Variants in TEC observed in about 807,000 individuals in gnomAD.
TEC encodes tec protein tyrosine kinase.
TEC carries 72 observed loss-of-function variants against 93.0 expected under a neutral mutation model. The ratio of observed to expected loss-of-function variants is 0.77; its 90% confidence interval spans 0.64 to 0.94. The LOEUF is 0.94. Among genes scored for constraint, TEC ranks in the 40% least tolerant of loss-of-function variants. The pLI is 0.00. For missense variants in TEC, 630 were observed against 757.9 expected (o/e 0.83, Z 1.98); for synonymous variants, 249 against 247.7 (o/e 1.01, Z -0.05).
At chr4:48,151,753 C>T (rs1036033266) in intron 9 of TEC, among the ~76,000 whole-genome samples, 2 of 152,242 alleles carry the variant, frequency 1.3e-5, no homozygotes, top group African/African-American at 4.8e-5. Context: ...TCCCAAAGTG[C>T]TGGGATTACA....
chr4:48,199,501 C>G (rs1451962704), intron 2 of TEC, among the ~76,000 whole-genome samples: 3 of 105,342 alleles, frequency 2.8e-5, no homozygotes, highest in Non-Finnish European at 5.2e-5. Context: ...AAGTCTCACT[C>G]TGTTACCCAG....
chr4:48,179,844 T>C (rs1721515107), intron 2 of TEC, among the ~76,000 whole-genome samples: 1 of 152,204 alleles, frequency 6.6e-6, no homozygotes, highest in South Asian at 2.1e-4. Context: ...TAATAGTATC[T>C]ATTTCCTAGG....
intron 2 of TEC, among the ~76,000 whole-genome samples, chr4:48,193,544 T>C (rs1044959327): frequency 4.6e-5 from 7 of 152,218 alleles, no homozygotes; most frequent in Admixed American, 6.5e-5. Flanking sequence ...ACGTAACTAC[T>C]GTCAAGGGAG....
chr4:48,265,805 G>A (rs1228905121), intron 1 of TEC, among the ~76,000 whole-genome samples: 4 of 151,992 alleles, frequency 2.6e-5, no homozygotes, highest in South Asian at 2.1e-4. Context: ...GAGCCACTGC[G>A]CCCGGCCACC....
intron 1 of TEC, among the ~76,000 whole-genome samples, chr4:48,259,136 A>C (rs1416828298): frequency 6.6e-6 from 1 of 152,240 alleles, no homozygotes; most frequent in African/African-American, 2.4e-5. Flanking sequence ...CTCTCAGAGA[A>C]GCTCAAAGTC....
intron 1 of TEC, among the ~76,000 whole-genome samples, chr4:48,230,263 C>A (rs773438477): frequency 2.6e-5 from 4 of 151,986 alleles, no homozygotes; most frequent in Non-Finnish European, 5.9e-5. Flanking sequence ...CCTTTAATTT[C>A]CTATTACTGA....
intron 3 of TEC, among the ~76,000 whole-genome samples, chr4:48,172,252 G>A (rs34546932): frequency 0.017 from 2,348 of 139,708 alleles, 22 homozygotes; most frequent in Non-Finnish European, 0.025. Flanking sequence ...ATTCTTCATG[G>A]TCAGTCACAA....
At chr4:48,243,353 T>C (rs1407121922) in intron 1 of TEC, among the ~76,000 whole-genome samples, 1 of 152,202 alleles carries the variant, frequency 6.6e-6, no homozygotes, top group African/African-American at 2.4e-5. Flanking sequence ...TTACACAAGT[T>C]ACTTAATTCC....
At chr4:48,201,353 AC>A in intron 2 of TEC, among the ~76,000 whole-genome samples, 1 of 152,216 alleles carries the variant, frequency 6.6e-6, no homozygotes, top group East Asian at 1.9e-4. Flanking sequence ...AGGCTGGGAA[AC>A]AAAGACTGGG....
rs540093003 is a variant in TEC at position 48,169,961 on chromosome 4, T to G, written c.454+287A>C. 2.0e-5 allele frequency among the ~76,000 whole-genome samples: 3 copies of G among 152,238 alleles called. No individual in the cohort carries two copies. The East Asian group carries it at 5.8e-4, about 29-fold the overall frequency. Reference sequence around the variant, plus strand: ...TGGTTTATTTGTTGAAGAACATTAATGCTTTTCAAAGCTGCTGACAGTGCC... The same window carrying G: ...TGGTTTATTTGTTGAAGAACATTAAGGCTTTTCAAAGCTGCTGACAGTGCC... On this transcript the variant is annotated intron_variant, in intron 5 of 17. Transcript: ENST00000381501.
chr4:48,208,519 C>A (rs530361824), intron 2 of TEC, among the ~76,000 whole-genome samples: 4 of 152,150 alleles, frequency 2.6e-5, no homozygotes, highest in Admixed American at 1.3e-4. Flanking sequence ...CATGCCCACC[C>A]CATTCCACCT....
intron 2 of TEC, among the ~76,000 whole-genome samples, chr4:48,210,524 G>T (rs377736897): frequency 4.9e-5 from 6 of 123,254 alleles, no homozygotes; most frequent in Admixed American, 4.3e-4. Context: ...AGGATGATGA[G>T]GAGGAGGAGG....
chr4:48,149,642 T>C lies in TEC; in HGVS notation c.921A>G (p.Thr307=), dbSNP rs78545992. The change falls in exon 11 of 18, where the codon ACA becomes ACG. Residue 307 remains threonine (T), a synonymous_variant. Transcript: ENST00000381501. ...CAGCTAGGTAATACTTCTTTGGAGA[T>C]GTTGTTGTTTCCTTTATATGATAAT... ...FRHYHIKETT[T]SPKKYYLAEK... 288 of 1,612,358 alleles carry C rather than the reference T, an allele frequency of 1.8e-4. 1 individual carries two copies. The East Asian group carries it at 4.5e-3, about 25-fold the overall frequency.
At chr4:48,157,133 T>A (rs182203813) in intron 8 of TEC, among the ~76,000 whole-genome samples, 87 of 152,366 alleles carry the variant, frequency 5.7e-4, no homozygotes, top group African/African-American at 2.0e-3. Flanking sequence ...TTTTAATTTT[T>A]CACTACTAGA....
chr4:48,210,796 C>G (rs977833991), intron 2 of TEC, among the ~76,000 whole-genome samples: 1 of 152,170 alleles, frequency 6.6e-6, no homozygotes, highest in African/African-American at 2.4e-5. Flanking sequence ...AGTGAATCAC[C>G]TGTGATTAGT....
At chr4:48,199,639 G>T (rs1722432023) in intron 2 of TEC, among the ~76,000 whole-genome samples, 1 of 151,434 alleles carries the variant, frequency 6.6e-6, no homozygotes, top group Non-Finnish European at 1.5e-5. Context: ...TCTAATTTTT[G>T]TATTTTATTA....
intron 2 of TEC, among the ~76,000 whole-genome samples, chr4:48,197,295 T>C (rs777453324): frequency 2.0e-5 from 3 of 152,132 alleles, no homozygotes; most frequent in Non-Finnish European, 4.4e-5. Context: ...TCTGCAACCT[T>C]GGGCAAAGTA....
chr4:48,203,450 G>A (rs1722597984), intron 2 of TEC, among the ~76,000 whole-genome samples: 1 of 152,156 alleles, frequency 6.6e-6, no homozygotes, highest in South Asian at 2.1e-4. Flanking sequence ...TCTACACAGA[G>A]CCCCCTGCAA....
intron 1 of TEC, among the ~76,000 whole-genome samples, chr4:48,254,789 T>C (rs1193912359): frequency 6.6e-6 from 1 of 152,200 alleles, no homozygotes; most frequent in African/African-American, 2.4e-5. Context: ...GATCCATTTG[T>C]GGGCTATGCC....
Sources: gnomAD v4.1 joint callset for allele counts (sites outside exome capture counted in the v4.1 genomes callset) on GRCh38, gnomAD v4.1.1 for gene constraint, MANE v1.5 for transcripts, NCBI Gene and HGNC (gene_info 2026-07-23, HGNC 2026-07-21) for gene names.